The following CAMSAP1 variants were observed in gnomAD, a reference collection of about 807,000 sequenced individuals.
The protein encoded by CAMSAP1 is calmodulin-regulated spectrin-associated protein 1.
Under a neutral mutation model 143.5 loss-of-function variants are expected in CAMSAP1, and 58 were observed. The observed-to-expected ratio is 0.40, with a 90% CI of 0.33 to 0.50. CAMSAP1 has a LOEUF of 0.50. CAMSAP1 is among the 20% of genes least tolerant of loss of function. The pLI is 0.45. For synonymous variants in CAMSAP1, 945 were observed against 859.3 expected, an observed-to-expected ratio of 1.10 and a Z score of -1.74; for missense variants, 1,969 against 2,115.7, an observed-to-expected ratio of 0.93 and a Z score of 1.36.
Position 135,816,001 on chromosome 9 carries a change from C to G in CAMSAP1, c.4276G>C (p.Glu1426Gln). The G allele has an allele frequency of 6.2e-7, 1 of 1,613,408 alleles. No homozygotes were observed. ...HSGGTPSQRV[E>Q]SMEALPILSR... ...AGTATGGGCAGGGCTTCCATCGATTCCACTCTGCAGGCAGAAACAGACAAG... is the reference window on the plus strand; with the variant it reads ...AGTATGGGCAGGGCTTCCATCGATTGCACTCTGCAGGCAGAAACAGACAAG... The change falls in exon 15 of 17, where the codon GAA (glutamate) becomes CAA (glutamine). Residue 1426 changes from glutamate (E) to glutamine (Q), a missense_variant. This residue lies in a region of CAMSAP1 where 1,390 missense variants were observed against 1,420.8 expected (regional missense o/e 0.98). Coordinates refer to ENST00000389532, the MANE Select transcript of CAMSAP1 (RefSeq NM_015447.4).
At chr9:135,861,974 A>C (rs1164393079) in intron 5 of CAMSAP1, among the ~76,000 whole-genome samples, 1 of 152,238 alleles carries the variant, frequency 6.6e-6, no homozygotes, top group Non-Finnish European at 1.5e-5. Flanking sequence ...AGTTGTTCAT[A>C]AATGGTTCAT....
At chr9:135,844,183 T>C (rs1428045530) in intron 7 of CAMSAP1, among the ~76,000 whole-genome samples, 1 of 152,140 alleles carries the variant, frequency 6.6e-6, no homozygotes, top group Non-Finnish European at 1.5e-5. Flanking sequence ...TACTCTAAAA[T>C]TGACCACATA....
At chr9:135,893,074 G>A (rs986977376) in intron 1 of CAMSAP1, among the ~76,000 whole-genome samples, 7 of 151,628 alleles carry the variant, frequency 4.6e-5, no homozygotes, top group African/African-American at 1.2e-4. Context: ...AGAAGCTGCA[G>A]CTGGAGGATC....
At chr9:135,892,867 A>AAAAAAAAAAAAAAAAAAAAAAG (rs1554800261) in intron 1 of CAMSAP1, among the ~76,000 whole-genome samples, 1 of 147,750 alleles carries the variant, frequency 6.8e-6, no homozygotes, top group African/African-American at 2.5e-5. Flanking sequence ...AAAAAAAAAA[A>AAAAAAAAAAAAAAAAAAAAAAG]GAACTAATCA....
chr9:135,890,940 G>A (rs377223388), intron 1 of CAMSAP1, among the ~76,000 whole-genome samples: 9 of 152,156 alleles, frequency 5.9e-5, no homozygotes, highest in African/African-American at 2.2e-4. Flanking sequence ...TAAAAACTCT[G>A]GACAAAAGAC....
chr9:135,815,704 G>A (rs1255646979), intron 15 of CAMSAP1, among the ~76,000 whole-genome samples, 186 bp downstream of exon 15: 2 of 152,264 alleles, frequency 1.3e-5, no homozygotes, highest in African/African-American at 4.8e-5. Context: ...GCAGGCCTAA[G>A]AGCTTCTACT....
chr9:135,848,916 C>T (rs1836672759), intron 7 of CAMSAP1, among the ~76,000 whole-genome samples: 1 of 152,232 alleles, frequency 6.6e-6, no homozygotes, highest in Non-Finnish European at 1.5e-5. Context: ...TCAGAGGCTG[C>T]TCCAAGTAAA....
intron 7 of CAMSAP1, among the ~76,000 whole-genome samples, chr9:135,840,984 C>T (rs527900830): frequency 1.8e-4 from 28 of 151,980 alleles, no homozygotes; most frequent in Non-Finnish European, 3.1e-4. Flanking sequence ...GTGCCTGGAA[C>T]GCCAGCGAGG....
At chr9:135,892,534 C>G (rs577213394) in intron 1 of CAMSAP1, among the ~76,000 whole-genome samples, 20 of 151,990 alleles carry the variant, frequency 1.3e-4, no homozygotes, top group African/African-American at 4.8e-4. Flanking sequence ...AAGATCCCAT[C>G]TCTATAAACA....
At chr9:135,872,322 T>C (rs573560588) in intron 3 of CAMSAP1, among the ~76,000 whole-genome samples, 46 of 152,332 alleles carry the variant, frequency 3.0e-4, no homozygotes, top group African/African-American at 1.1e-3. Context: ...CATCTTCTGC[T>C]ATTTGTGCAA....
At chr9:135,845,003 T>G (rs1836500746) in intron 7 of CAMSAP1, among the ~76,000 whole-genome samples, 1 of 151,948 alleles carries the variant, frequency 6.6e-6, no homozygotes, top group Non-Finnish European at 1.5e-5. Context: ...GAGGGACTCT[T>G]CCCTAACTCA....
intron 3 of CAMSAP1, among the ~76,000 whole-genome samples, chr9:135,866,986 A>T (rs1437166864): frequency 2.0e-5 from 3 of 152,188 alleles, no homozygotes; most frequent in Non-Finnish European, 2.9e-5. Context: ...ACCAAATCTA[A>T]TTATAAAAGT....
chr9:135,836,099 C>G (rs56232598), intron 7 of CAMSAP1: 291,430 of 985,100 alleles, frequency 0.3, 45,965 homozygotes, highest in African/African-American at 0.58. Flanking sequence ...GGAAAGAGAG[C>G]TGCCAAAATC....
Position 135,881,903 on chromosome 9 carries a change from C to T in CAMSAP1, c.424-109G>A, listed in dbSNP as rs1837968338. On this transcript the variant is annotated intron_variant, in intron 2 of 16. Coordinates refer to ENST00000389532, the MANE Select transcript of CAMSAP1 (RefSeq NM_015447.4). The stretch of plus-strand genomic sequence containing the variant: ...ATTCTGGCCTAATTTCTTCATCCCT[C>T]GCCCTTTCCGTCTGAAGAGATACTC... The T allele has an allele frequency of 2.3e-6, 3 of 1,307,238 alleles. No homozygotes were observed. The South Asian group carries it at 4.2e-5, about 19-fold the overall frequency. The allele number at this position is 1,307,238 out of a possible 1,614,324, so 81.0% of individuals were successfully genotyped here.
chr9:135,809,459 C>T lies in CAMSAP1; in HGVS notation c.*1850G>A, dbSNP rs1374009348. 3 of 152,240 alleles carry T rather than the reference C, an allele frequency of 2.0e-5. No individual in the cohort carries two copies. Among genetic ancestry groups the T allele is most frequent in the African/African-American group, 7.2e-5 (3 of 41,448 alleles). 9.4% of individuals were successfully genotyped at this position (152,240 alleles called of 1,614,324 possible). On this transcript the variant is annotated 3_prime_UTR_variant, in exon 17 of 17. Transcript: ENST00000389532. ...TTTCTAGCTCTTCATTAAAAAGAAT[C>T]CAATTCCACTGACTTCGATAGGGCC...
chr9:135,821,143 T>C lies in CAMSAP1; in HGVS notation c.3518A>G (p.Asp1173Gly), dbSNP rs1835438623. The stretch of plus-strand genomic sequence containing the variant: ...AGTAAGTGTCCGCTGATTGCTTTCA[T>C]CATGGAGCCTGTAACTGTCGAAGAG... ...KCLFDSYRLHDESNQRTLTLS... is the reference protein window; with the variant it reads ...KCLFDSYRLHGESNQRTLTLS... The change falls in exon 11 of 17, where the codon GAT becomes GGT. Residue 1173 changes from aspartate to glycine, a missense_variant. By Grantham distance (94) the Asp-to-Gly change is moderately conservative. Transcript: ENST00000389532. The surrounding 1 kb of genome is among the most constrained non-coding windows in gnomAD (Gnocchi z 4.6). 2 of 1,612,750 alleles carry C rather than the reference T, an allele frequency of 1.2e-6. No homozygotes were observed. The highest frequency in any genetic ancestry group is 1.7e-6 in the Non-Finnish European group (2 of 1,179,902).
intron 1 of CAMSAP1, among the ~76,000 whole-genome samples, chr9:135,900,004 T>C (rs1227315529): frequency 2.6e-5 from 4 of 152,164 alleles, no homozygotes; most frequent in African/African-American, 9.7e-5. Context: ...CAGTTCACAA[T>C]GTAATGCCCA....
At position 135,818,694 on chromosome 9, in the gene CAMSAP1, G is replaced by A. The variant is rs919538337; in HGVS notation, c.3960-78C>T. Reference sequence around the variant, plus strand: ...CGCCTGCGCCGCGGCGCTCTGTCCAGGCGCGTTTCTCGGGTTCTCCCCGGC... The same window carrying A: ...CGCCTGCGCCGCGGCGCTCTGTCCAAGCGCGTTTCTCGGGTTCTCCCCGGC... On this transcript the variant is annotated intron_variant, in intron 12 of 16. Transcript: ENST00000389532. This position sits in a 1 kb window ranked among gnomAD's most constrained non-coding sequence, Gnocchi z 7.7. The A allele has an allele frequency of 4.5e-5, 68 of 1,496,258 alleles. No homozygotes were observed. In the Middle Eastern group the frequency reaches 6.3e-4, roughly 14 times the overall value. 92.7% of individuals were successfully genotyped at this position (1,496,258 alleles called of 1,614,324 possible). A position where few individuals can be genotyped will look rare whatever the true frequency, so the allele number is the denominator to read the frequency against.
chr9:135,818,119 TC>T lies in CAMSAP1; in HGVS notation c.4169-41del, dbSNP rs747202759. The T allele has an allele frequency of 1.9e-6, 3 of 1,595,082 alleles. No homozygotes were observed. In the East Asian group the frequency reaches 6.7e-5, roughly 36 times the overall value. On this transcript the variant is annotated intron_variant, in intron 13 of 16. Coordinates refer to ENST00000389532, the MANE Select transcript of CAMSAP1 (RefSeq NM_015447.4). This position sits in a 1 kb window ranked among gnomAD's most constrained non-coding sequence, Gnocchi z 7.7. ...AACAGACGACGGTTCATGAACGGATTCCGACAGACAAGTACCTGTCCCCTGT... is the reference window on the plus strand; with the variant it reads ...AACAGACGACGGTTCATGAACGGATTCGACAGACAAGTACCTGTCCCCTGT...
Sources: allele counts gnomAD v4.1 joint callset (sites outside exome capture counted in the v4.1 genomes callset), GRCh38; gene constraint gnomAD v4.1.1; regional missense constraint gnomAD v4.1.1; non-coding constraint Gnocchi (gnomAD v3.1); transcripts MANE v1.5; gene names NCBI Gene and HGNC (gene_info 2026-07-23, HGNC 2026-07-21).